Variants in SLC24A2 observed in about 807,000 individuals in gnomAD.
The protein encoded by SLC24A2 is sodium/potassium/calcium exchanger 2.
A neutral mutation model predicts 62.0 loss-of-function variants in SLC24A2; 36 were observed. The ratio of observed to expected loss-of-function variants is 0.58; its 90% CI spans 0.44 to 0.77. The LOEUF (loss-of-function observed/expected upper bound fraction) is 0.77. SLC24A2 is among the 30% of genes least tolerant of loss of function. The pLI, the probability that SLC24A2 is intolerant of heterozygous loss-of-function variation, is 0.00. For missense variants in SLC24A2, 846 were observed against 817.9 expected, an observed-to-expected ratio of 1.03 and a Z score of -0.42; for synonymous variants, 358 against 294.0, an observed-to-expected ratio of 1.22 and a Z score of -2.23.
At chr9:20,102,868 C>G in the SLC24A2 span, among the ~76,000 whole-genome samples, 1 of 151,670 alleles carries the variant, frequency 6.6e-6, no homozygotes, top group South Asian at 2.1e-4. Flanking sequence ...TGCAGTGCAC[C>G]GTGCGCCAGC....
chr9:20,050,129 T>C, the SLC24A2 span, among the ~76,000 whole-genome samples: 1 of 148,778 alleles, frequency 6.7e-6, no homozygotes, highest in Non-Finnish European at 1.5e-5. Context: ...CACACAGAGA[T>C]AACTTGGTTT....
At chr9:19,994,177 A>T in the SLC24A2 span, among the ~76,000 whole-genome samples, 3 of 152,168 alleles carry the variant, frequency 2.0e-5, no homozygotes, top group African/African-American at 7.2e-5. Context: ...AAATGGAGTG[A>T]TGACAATCTC....
At chr9:19,734,209 T>C (rs145470763) in intron 2 of SLC24A2, among the ~76,000 whole-genome samples, 3,763 of 151,128 alleles carry the variant, frequency 0.025, 160 homozygotes, top group African/African-American at 0.085. Context: ...TATGTGGCAT[T>C]ATTTCTGATG....
chr9:20,123,538 T>C, the SLC24A2 span, among the ~76,000 whole-genome samples: 1 of 152,194 alleles, frequency 6.6e-6, no homozygotes, highest in Non-Finnish European at 1.5e-5. Context: ...GCTTCAAATC[T>C]TATATTTGTA....
chr9:20,078,560 G>A, the SLC24A2 span, among the ~76,000 whole-genome samples: 11 of 152,280 alleles, frequency 7.2e-5, no homozygotes, highest in African/African-American at 2.4e-4. Flanking sequence ...CTGTAGCTGT[G>A]TGAAAGCCAC....
chr9:19,840,658 G>A, the SLC24A2 span, among the ~76,000 whole-genome samples: 4 of 152,106 alleles, frequency 2.6e-5, no homozygotes, highest in Admixed American at 2.6e-4. Context: ...AGGATGAAAT[G>A]TATTTATTTT....
At chr9:20,254,536 C>T in the SLC24A2 span, among the ~76,000 whole-genome samples, 98 of 152,266 alleles carry the variant, frequency 6.4e-4, no homozygotes, top group Non-Finnish European at 1.2e-3. Flanking sequence ...GTGGTAGAGT[C>T]ACTGTATGTA....
the SLC24A2 span, among the ~76,000 whole-genome samples, chr9:20,019,890 AC>A: frequency 1.4e-5 from 2 of 145,908 alleles, no homozygotes; most frequent in African/African-American, 5.0e-5. Context: ...AAAAAAAAAA[AC>A]CACCAAAAAG....
At chr9:19,783,142 C>T (rs1369216475) in intron 2 of SLC24A2, among the ~76,000 whole-genome samples, 1 of 152,140 alleles carries the variant, frequency 6.6e-6, no homozygotes, top group African/African-American at 2.4e-5. Context: ...AACAATGGAA[C>T]CAAATTAAGA....
At chr9:20,158,756 T>C in the SLC24A2 span, among the ~76,000 whole-genome samples, 3 of 151,608 alleles carry the variant, frequency 2.0e-5, no homozygotes, top group Admixed American at 6.6e-5. Flanking sequence ...GGTGCACTTA[T>C]AATGGGAGTC....
chr9:19,713,547 T>C (rs886412989), intron 2 of SLC24A2, among the ~76,000 whole-genome samples: 1 of 152,216 alleles, frequency 6.6e-6, no homozygotes, highest in Non-Finnish European at 1.5e-5. Flanking sequence ...CAAGAATCTA[T>C]GTTCTTACCT....
At chr9:20,256,413 A>C in the SLC24A2 span, among the ~76,000 whole-genome samples, 2 of 152,206 alleles carry the variant, frequency 1.3e-5, no homozygotes, top group Admixed American at 6.5e-5. Context: ...TACACAATGA[A>C]GGCAGACAGT....
At chr9:20,300,234 C>T in the SLC24A2 span, among the ~76,000 whole-genome samples, 10 of 152,056 alleles carry the variant, frequency 6.6e-5, no homozygotes, top group Non-Finnish European at 1.0e-4. Context: ...GGTATCTATC[C>T]CCTTGAGCAT....
At chr9:19,785,589 C>T (rs1180315209) in intron 2 of SLC24A2, among the ~76,000 whole-genome samples, 1 of 152,226 alleles carries the variant, frequency 6.6e-6, no homozygotes, top group East Asian at 1.9e-4. Context: ...TAGGCACATA[C>T]ACACTTTCCT....
chr9:19,740,610 C>G (rs1361480608), intron 2 of SLC24A2, among the ~76,000 whole-genome samples: 1 of 152,132 alleles, frequency 6.6e-6, no homozygotes, highest in Non-Finnish European at 1.5e-5. Context: ...TTCTATTTCC[C>G]AATCCAGGTG....
At chr9:19,659,206 G>A (rs1010740371) in intron 2 of SLC24A2, among the ~76,000 whole-genome samples, 8 of 152,126 alleles carry the variant, frequency 5.3e-5, no homozygotes, top group South Asian at 2.1e-4. Flanking sequence ...TTATGCAGCT[G>A]TAAGCCACGG....
the SLC24A2 span, among the ~76,000 whole-genome samples, chr9:19,833,135 A>C: frequency 6.6e-6 from 1 of 152,190 alleles, no homozygotes; most frequent in Admixed American, 6.5e-5. Context: ...TCCAGTCTAC[A>C]GCTCCCAGCA....
the SLC24A2 span, among the ~76,000 whole-genome samples, chr9:20,260,171 C>T: frequency 2.6e-5 from 4 of 152,198 alleles, no homozygotes; most frequent in African/African-American, 4.8e-5. Context: ...GAGCTTAGTG[C>T]CATTTTAAAA....
At chr9:19,561,712 G>A (rs1835413664) in intron 7 of SLC24A2, among the ~76,000 whole-genome samples, 1 of 152,166 alleles carries the variant, frequency 6.6e-6, no homozygotes, top group Non-Finnish European at 1.5e-5. Flanking sequence ...TTACAGGCGT[G>A]AGCCACTGCT....
Sources: gnomAD v4.1 joint callset for allele counts (sites outside exome capture counted in the v4.1 genomes callset) on GRCh38, gnomAD v4.1.1 for gene constraint, MANE v1.5 for transcripts, NCBI Gene and HGNC (gene_info 2026-07-23, HGNC 2026-07-21) for gene names.